LRP1B: variants seen among roughly 807,000 people sequenced by gnomAD.
LRP1B encodes low-density lipoprotein receptor-related protein 1B.
Under a neutral mutation model 556.6 loss-of-function variants are expected in LRP1B, and 217 were observed. The ratio of observed to expected loss-of-function variants is 0.39; its 90% CI spans 0.35 to 0.44. LRP1B has a LOEUF of 0.44. Among genes scored for constraint, LRP1B ranks in the 20% least tolerant of loss-of-function variants. The pLI is 1.00. For missense variants in LRP1B, 5,053 were observed against 5,620.8 expected (o/e 0.90, Z 3.23); for synonymous variants, 2,047 against 1,865.8 (o/e 1.10, Z -2.50).
At chr2:141,357,063 A>T (rs1201816376) in intron 3 of LRP1B, among the ~76,000 whole-genome samples, 1 of 150,588 alleles carries the variant, frequency 6.6e-6, no homozygotes, top group Non-Finnish European at 1.5e-5. Flanking sequence ...TATTTTATTT[A>T]TTTTATTTTT....
intron 7 of LRP1B, among the ~76,000 whole-genome samples, chr2:141,176,345 G>A (rs768700410): frequency 6.6e-6 from 1 of 152,012 alleles, no homozygotes; most frequent in Non-Finnish European, 1.5e-5. Context: ...GGAGGGTTCT[G>A]GTGAGAGGTG....
At chr2:140,804,706 AGTTATCGGAGAGG>A (rs1690652642) in intron 32 of LRP1B, among the ~76,000 whole-genome samples, 1 of 77,256 alleles carries the variant, frequency 1.3e-5, no homozygotes, top group African/African-American at 5.1e-5. Context: ...CATTTTTTTC[AGTTATCGGAGAGG>A]TTAAACAATT....
chr2:140,835,682 C>A lies in LRP1B; in HGVS notation c.5209+4309G>T, dbSNP rs533304296. Among the ~76,000 whole-genome samples, 4 of 152,106 alleles carry A rather than the reference C, an allele frequency of 2.6e-5. No individual in the cohort carries two copies. In the East Asian group the frequency reaches 7.8e-4, roughly 30 times the overall value. Reference sequence around the variant, plus strand: ...CCTCCCAAGTAACTGGGATTACAGGCGCTCGCCACCACGTCTGGCTAATGT... The same window carrying A: ...CCTCCCAAGTAACTGGGATTACAGGAGCTCGCCACCACGTCTGGCTAATGT... On this transcript the variant is annotated intron_variant, in intron 31 of 90. Coordinates refer to ENST00000389484, the MANE Select transcript of LRP1B (RefSeq NM_018557.3).
chr2:140,359,093 T>C (rs1281811338), intron 72 of LRP1B, 147 bp from the exon 73 acceptor site: 15 of 663,204 alleles, frequency 2.3e-5, no homozygotes, highest in Non-Finnish European at 3.5e-5. Context: ...TACTAGTGGC[T>C]ACCAGAAAAA....
intron 35 of LRP1B, among the ~76,000 whole-genome samples, chr2:140,752,822 A>C (rs1159517505): frequency 6.6e-6 from 1 of 152,174 alleles, no homozygotes; most frequent in African/African-American, 2.4e-5. Flanking sequence ...CTCTCTCACT[A>C]TCAAAATCCC....
At chr2:141,213,637 A>G (rs1456245206) in intron 6 of LRP1B, among the ~76,000 whole-genome samples, 1 of 152,216 alleles carries the variant, frequency 6.6e-6, no homozygotes, top group African/African-American at 2.4e-5. Flanking sequence ...CATCAACACT[A>G]TAATGAAACA....
chr2:141,969,312 T>C (rs922012271), intron 1 of LRP1B, among the ~76,000 whole-genome samples: 2 of 151,562 alleles, frequency 1.3e-5, no homozygotes, highest in African/African-American at 2.4e-5. Flanking sequence ...CAGTACACTA[T>C]CATTTACTAT....
chr2:141,335,002 CATT>C (rs1365173714), intron 3 of LRP1B, among the ~76,000 whole-genome samples: 1 of 152,174 alleles, frequency 6.6e-6, no homozygotes, highest in Non-Finnish European at 1.5e-5. Flanking sequence ...TCAGTTAACT[CATT>C]GTTGATTAAG....
intron 86 of LRP1B, among the ~76,000 whole-genome samples, chr2:140,255,691 T>C (rs997706317): frequency 6.6e-6 from 1 of 152,148 alleles, no homozygotes; most frequent in Non-Finnish European, 1.5e-5. Context: ...GGAAGAGGCA[T>C]AGTTGAATAC....
intron 7 of LRP1B, among the ~76,000 whole-genome samples, chr2:141,076,372 C>T (rs1699787761): frequency 6.6e-6 from 1 of 152,156 alleles, no homozygotes; most frequent in African/African-American, 2.4e-5. Context: ...TATATTCCTA[C>T]ACGGGCATTT....
At chr2:140,836,182 A>C (rs1559147428) in intron 31 of LRP1B, among the ~76,000 whole-genome samples, 1 of 152,180 alleles carries the variant, frequency 6.6e-6, no homozygotes, top group East Asian at 1.9e-4. Context: ...AGAGTATATA[A>C]GTATGGAATT....
intron 60 of LRP1B, among the ~76,000 whole-genome samples, chr2:140,464,125 G>A (rs1318755726): frequency 6.6e-6 from 1 of 152,034 alleles, no homozygotes; most frequent in Non-Finnish European, 1.5e-5. Context: ...GAATCCGGGA[G>A]GCAGAGGTTG....
At position 141,492,079 on chromosome 2, in the gene LRP1B, G is replaced by GA. The variant is rs1553521014; in HGVS notation, c.206-11547dup. ...CTTGAAAGTCACTATTTAGCTTTCT[G>GA]AAAAAAAAAAAACACTAAGAAAACC... On this transcript the variant is annotated intron_variant, in intron 2 of 90. Transcript: ENST00000389484. Among the ~76,000 whole-genome samples the GA allele has an allele frequency of 2.4e-3, 19 of 8,060 alleles. 1 individual carries two copies. Among genetic ancestry groups the GA allele is most frequent in the African/African-American group, 4.7e-3 (17 of 3,640 alleles). 5.3% of individuals were successfully genotyped at this position (8,060 alleles called of 152,430 possible).
At chr2:141,017,288 T>C (rs979129040) in intron 12 of LRP1B, among the ~76,000 whole-genome samples, 11 of 152,048 alleles carry the variant, frequency 7.2e-5, no homozygotes, top group African/African-American at 2.7e-4. Flanking sequence ...AATCTTTTCA[T>C]CTCTATTGAT....
intron 2 of LRP1B, among the ~76,000 whole-genome samples, chr2:141,798,704 T>TGAAAA (rs1695904281): frequency 3.1e-5 from 1 of 32,430 alleles, no homozygotes. Context: ...AGACTCTGTC[T>TGAAAA]CAAAAAAAAA....
chr2:140,615,703 C>T (rs1047272504), intron 41 of LRP1B, among the ~76,000 whole-genome samples: 1 of 151,982 alleles, frequency 6.6e-6, no homozygotes, highest in Non-Finnish European at 1.5e-5. Flanking sequence ...TCAACTCCTC[C>T]AATCCCTGAA....
chr2:140,630,247 ATGT>A (rs1683830783), intron 41 of LRP1B, among the ~76,000 whole-genome samples: 1 of 152,176 alleles, frequency 6.6e-6, no homozygotes, highest in Non-Finnish European at 1.5e-5. Context: ...TGCATGATAA[ATGT>A]TGTGAGCCAC....
intron 14 of LRP1B, among the ~76,000 whole-genome samples, chr2:141,006,571 T>A (rs1169935158): frequency 6.6e-6 from 1 of 152,026 alleles, no homozygotes; most frequent in Non-Finnish European, 1.5e-5. Flanking sequence ...GCGAACATCA[T>A]AAAGCATCCT....
intron 3 of LRP1B, among the ~76,000 whole-genome samples, chr2:141,477,142 A>AC (rs1682741173): frequency 1.2e-5 from 1 of 86,516 alleles, no homozygotes; most frequent in African/African-American, 3.9e-5. Context: ...ACAAACAAAC[A>AC]AAAAAAACCC....
Sources: gnomAD v4.1 joint callset for allele counts (sites outside exome capture counted in the v4.1 genomes callset) on GRCh38, gnomAD v4.1.1 for gene constraint, MANE v1.5 for transcripts, NCBI Gene and HGNC (gene_info 2026-07-23, HGNC 2026-07-21) for gene names.